The following TRPM7 variants were observed in gnomAD, a reference collection of about 807,000 sequenced individuals.
The protein encoded by TRPM7 is transient receptor potential cation channel subfamily M member 7.
TRPM7 carries 134 observed loss-of-function variants against 229.7 expected under a neutral mutation model. That is an observed-to-expected ratio of 0.58 (90% CI 0.51 to 0.67). The LOEUF (loss-of-function observed/expected upper bound fraction) is 0.67. Among genes scored for constraint, TRPM7 ranks in the 30% least tolerant of loss-of-function variants. The probability of loss-of-function intolerance (pLI) is 0.00; values close to 1 mark genes in which losing one functional copy is unlikely to be tolerated. For missense variants in TRPM7, 1,901 were observed against 2,210.0 expected, an observed-to-expected ratio of 0.86 and a Z score of 2.80; for synonymous variants, 699 against 715.2, an observed-to-expected ratio of 0.98 and a Z score of 0.36.
intron 1 of TRPM7, among the ~76,000 whole-genome samples, chr15:50,665,790 C>G (rs1397097435): frequency 6.6e-6 from 1 of 151,794 alleles, no homozygotes; most frequent in East Asian, 1.9e-4. Context: ...AGGTCAGGAG[C>G]TCAAGACCAG....
rs759439596 is a variant in TRPM7 at position 50,612,838 on chromosome 15, GA to G, written c.1771-10del. On this transcript the variant is annotated splice_polypyrimidine_tract_variant and intron_variant, in intron 15 of 38. Transcript: ENST00000646667. ...TCCATAACTGTATCAATCTTCCAGG[GA>G]AAATAAAGTTATAAAGCTCATTATA... The G allele has an allele frequency of 6.2e-7, 1 of 1,602,620 alleles. No homozygotes were observed. The highest frequency in any genetic ancestry group is 1.1e-5 in the South Asian group (1 of 89,558).
chr15:50,635,664 CAAAAAA>C (rs765054880), intron 7 of TRPM7, among the ~76,000 whole-genome samples: 1,515 of 56,452 alleles, frequency 0.027, 56 homozygotes, highest in African/African-American at 0.078. Context: ...CTCCATCTCC[CAAAAAA>C]AAAAAAAAAA....
At chr15:50,620,701 C>G (rs927238823) in intron 12 of TRPM7, among the ~76,000 whole-genome samples, 1 of 152,054 alleles carries the variant, frequency 6.6e-6, no homozygotes, top group African/African-American at 2.4e-5. Flanking sequence ...GAGGCAGAAG[C>G]GGGTGGATCA....
At chr15:50,686,273 G>A (rs2062358626) in intron 1 of TRPM7, among the ~76,000 whole-genome samples, 3 of 152,206 alleles carry the variant, frequency 2.0e-5, no homozygotes, top group Non-Finnish European at 4.4e-5. Flanking sequence ...GCCTGGAGAG[G>A]CCCTCGCTGG....
At position 50,657,763 on chromosome 15, in the gene TRPM7, T is replaced by C. The variant is rs369808387; in HGVS notation, c.122+18A>G. 9.2e-5 allele frequency: 148 copies of C among 1,609,928 alleles called. No individual in the cohort carries two copies. Among genetic ancestry groups the C allele is most frequent in the Non-Finnish European group, 1.2e-4 (146 of 1,177,170 alleles). On this transcript the variant is annotated intron_variant, in intron 3 of 38. Transcript: ENST00000646667. The stretch of plus-strand genomic sequence containing the variant: ...TTTATTTTCCGAAATTTGTGCGGTA[T>C]AGTTATGTTAAACTTACCTGACGAG...
intron 12 of TRPM7, among the ~76,000 whole-genome samples, chr15:50,621,342 T>C (rs1460889709): frequency 6.6e-6 from 1 of 152,154 alleles, no homozygotes; most frequent in East Asian, 1.9e-4. Flanking sequence ...TAACGGTATG[T>C]AATCACATGG....
At chr15:50,575,947 C>T (rs989406534) in intron 31 of TRPM7, 28 bp from the exon 32 acceptor site, 1 of 1,608,958 alleles carries the variant, frequency 6.2e-7, no homozygotes, top group Non-Finnish European at 8.5e-7. Flanking sequence ...CAAACGAGAC[C>T]ATTTAAAAAG....
chr15:50,566,667 G>A (rs1447434190), intron 38 of TRPM7, among the ~76,000 whole-genome samples: 1 of 152,100 alleles, frequency 6.6e-6, no homozygotes, highest in Non-Finnish European at 1.5e-5. Context: ...CTGCACTCCA[G>A]CCTGGTGACA....
In TRPM7 at chr15:50,561,428, C is replaced by A; in HGVS notation, c.*250G>T. 1 of 385,506 alleles carries A rather than the reference C, an allele frequency of 2.6e-6. No homozygotes were observed. The highest frequency in any genetic ancestry group is 4.6e-6 in the Non-Finnish European group (1 of 216,990). The allele number at this position is 385,506 out of a possible 1,614,324, so 23.9% of individuals were successfully genotyped here. ...TGAGATCCTCTGCTATACAAAGAGC[C>A]CTTTAAAAAGTTATAAATACTAATT... is the stretch of plus-strand genomic sequence containing the variant. On this transcript the variant is annotated 3_prime_UTR_variant, in exon 39 of 39. Coordinates refer to ENST00000646667, the MANE Select transcript of TRPM7 (RefSeq NM_017672.6).
intron 12 of TRPM7, among the ~76,000 whole-genome samples, chr15:50,622,177 T>A (rs1414045402): frequency 6.6e-6 from 1 of 152,174 alleles, no homozygotes; most frequent in African/African-American, 2.4e-5. Flanking sequence ...AAAACAAATA[T>A]TTTTTAAAAC....
rs778819593 is a variant in TRPM7, at chr15:50,621,360, C to T, written c.1441-1562G>A. Among the ~76,000 whole-genome samples the T allele has an allele frequency of 3.9e-5, 6 of 152,006 alleles. No individual in the cohort carries two copies. The South Asian group carries it at 6.2e-4, about 16-fold the overall frequency. The stretch of plus-strand genomic sequence containing the variant: ...CGGTATGTAATCACATGGAAAGGCA[C>T]TTAAAATTTCTTAAATTCTATTTTA... On this transcript the variant is annotated intron_variant, in intron 12 of 38. Transcript: ENST00000646667.
At chr15:50,590,699 C>T (rs1021396502) in intron 26 of TRPM7, among the ~76,000 whole-genome samples, 14 of 152,000 alleles carry the variant, frequency 9.2e-5, no homozygotes, top group African/African-American at 3.1e-4. Context: ...TGGCGTGTGC[C>T]TGTAATCTCA....
intron 1 of TRPM7, among the ~76,000 whole-genome samples, chr15:50,671,990 T>C (rs2061998986): frequency 6.6e-6 from 1 of 152,198 alleles, no homozygotes; most frequent in East Asian, 1.9e-4. Flanking sequence ...ATGTTACTGA[T>C]TTATGTATTT....
Position 50,634,269 on chromosome 15 carries a change from C to G in TRPM7, c.1007+113G>C, listed in dbSNP as rs1370930832. ...CTGGGAGGTGGAGGTTGTAGTAAGC[C>G]AAGATTGCACCACTGCACGCTATCC... On this transcript the variant is annotated intron_variant, in intron 8 of 38. Transcript: ENST00000646667. 23 of 811,926 alleles carry G rather than the reference C, an allele frequency of 2.8e-5. No homozygotes were observed. The East Asian group carries it at 8.5e-4, about 30-fold the overall frequency. 50.3% of individuals were successfully genotyped at this position (811,926 alleles called of 1,614,324 possible). A position where few individuals can be genotyped will look rare whatever the true frequency, so the allele number is the denominator to read the frequency against.
intron 12 of TRPM7, among the ~76,000 whole-genome samples, chr15:50,622,850 C>A (rs530832320): frequency 6.6e-6 from 1 of 151,878 alleles, no homozygotes; most frequent in South Asian, 2.1e-4. Flanking sequence ...CGTGCCACTG[C>A]GCTCCAGCTT....
intron 13 of TRPM7, 72 bp downstream of exon 13, chr15:50,619,659 ATTTAAATGATTTTT>A (rs1234711005): frequency 2.6e-6 from 3 of 1,141,558 alleles, no homozygotes; most frequent in Non-Finnish European, 3.7e-6. Flanking sequence ...TCTAAAATGT[ATTTAAATGATTTTT>A]TTTTTAAAAA....
chr15:50,682,758 C>G (rs1227199506), intron 1 of TRPM7, among the ~76,000 whole-genome samples: 1 of 152,128 alleles, frequency 6.6e-6, no homozygotes. Context: ...CTAATAATTG[C>G]AAAGCATCAT....
At chr15:50,570,406 T>C (rs972517738) in intron 36 of TRPM7, among the ~76,000 whole-genome samples, 3 of 152,192 alleles carry the variant, frequency 2.0e-5, no homozygotes, top group African/African-American at 4.8e-5. Flanking sequence ...AGTTGGTAGG[T>C]AGGCATTAAG....
chr15:50,644,790 T>C lies in TRPM7; in HGVS notation c.322-1237A>G, dbSNP rs1379358646. Among the ~76,000 whole-genome samples, 4 of 110,446 alleles carry C rather than the reference T, an allele frequency of 3.6e-5. No individual in the cohort carries two copies. In the Admixed American group the frequency reaches 3.6e-4, roughly 10 times the overall value. 72.5% of individuals were successfully genotyped at this position (110,446 alleles called of 152,430 possible). A position where few individuals can be genotyped will look rare whatever the true frequency, so the allele number is the denominator to read the frequency against. On this transcript the variant is annotated intron_variant, in intron 4 of 38. Transcript: ENST00000646667. ...CCAGGCTGGGCAACAAGAGCGAAAC[T>C]GCGTCTCAAAAAAAAAAAAAAAAAA... is the stretch of plus-strand genomic sequence containing the variant.
Sources: gnomAD v4.1 joint callset for allele counts (sites outside exome capture counted in the v4.1 genomes callset) on GRCh38, gnomAD v4.1.1 for gene constraint, MANE v1.5 for transcripts, NCBI Gene and HGNC (gene_info 2026-07-23, HGNC 2026-07-21) for gene names.